Variants in C17orf113 observed in about 807,000 individuals in gnomAD.
C17orf113 encodes uncharacterized protein C17orf113.
C17orf113 carries 5 observed loss-of-function variants against 11.6 expected under a neutral mutation model. The observed-to-expected ratio is 0.43, with a 90% CI of 0.23 to 0.91. The LOEUF is 0.91. Among genes scored for constraint, C17orf113 ranks in the 40% least tolerant of loss-of-function variants. The pLI, the probability that C17orf113 is intolerant of heterozygous loss-of-function variation, is 0.26. For missense variants in C17orf113, 714 were observed against 841.3 expected (o/e 0.85, Z 1.87); for synonymous variants, 327 against 390.6 (o/e 0.84, Z 1.92).
Position 42,043,152 on chromosome 17 carries a change from G to C in C17orf113, c.225C>G (p.Ala75=). The change falls in exon 2 of 3, where the codon GCC becomes GCG. Residue 75 remains alanine, a synonymous_variant. Transcript: ENST00000587304. ...CTCCTGAGGTCACGTGGCGCAGCAG[G>C]GCGTGGCGCTGGAAGTTGTCTGTGC... is the stretch of plus-strand genomic sequence containing the variant. ...TVGTDNFQRH[A]LLRHVTSGAH... is the part of the protein sequence containing the mutation. 1 of 1,232,174 alleles carries C rather than the reference G, an allele frequency of 8.1e-7. No homozygotes were observed. The highest frequency in any genetic ancestry group is 4.2e-5 in the Admixed American group (1 of 23,720). 76.3% of individuals were successfully genotyped at this position (1,232,174 alleles called of 1,614,324 possible).
In C17orf113 at chr17:42,039,863, G is replaced by A. The variant is rs540557902; in HGVS notation, c.1870C>T (p.Arg624Trp). 9.0e-3 allele frequency: 11,061 copies of A among 1,230,580 alleles called. 59 individuals carry two copies. The highest frequency in any genetic ancestry group is 0.01 in the Non-Finnish European group (10,249 of 987,442). The allele number at this position is 1,230,580 out of a possible 1,614,324, so 76.2% of individuals were successfully genotyped here. A position where few individuals can be genotyped will look rare whatever the true frequency, so the allele number is the denominator to read the frequency against. ...CCGGCCCCACTCTGCCCCCACCACC[G>A]CAGCTCCCGGCTGCGGCCGACCTTG... The part of the protein sequence containing the change: ...LDKVGRSREL[R>W]WWGQSGAGEG... The change falls in exon 3 of 3, where the codon CGG becomes TGG. Residue 624 changes from arginine (R) to tryptophan (W), a missense_variant. Around this residue, in one of 3 missense-constraint regions of C17orf113, gnomAD observed 194 missense variants for 197.2 expected, o/e 0.98. Coordinates refer to ENST00000587304, the MANE Select transcript of C17orf113 (RefSeq NM_001358661.2).
intron 1 of C17orf113, among the ~76,000 whole-genome samples, chr17:42,047,458 T>C (rs2053189046): frequency 6.6e-6 from 1 of 151,004 alleles, no homozygotes; most frequent in Non-Finnish European, 1.5e-5. Flanking sequence ...TACAGGCGCC[T>C]GGCCCAATTA....
In C17orf113 at chr17:42,040,867, C is replaced by G; in HGVS notation, c.866G>C (p.Cys289Ser). Residue 289 changes from cysteine (C) to serine (S), a missense_variant, in exon 3 of 3, where the codon TGC becomes TCC. Transcript: ENST00000587304. ...GSVGPQLRAT[C>S]PLLAELHCLP... ...ACAATGCAGCTCTGCCAGCAGTGGG[C>G]AAGTGGCCCGGAGCTGTGGGCCCAC... The G allele has an allele frequency of 2.4e-6, 3 of 1,232,302 alleles. No individual in the cohort carries two copies. Among genetic ancestry groups the G allele is most frequent in the Non-Finnish European group, 3.0e-6 (3 of 988,066 alleles). 76.3% of individuals were successfully genotyped at this position (1,232,302 alleles called of 1,614,324 possible). A position where few individuals can be genotyped will look rare whatever the true frequency, so the allele number is the denominator to read the frequency against.
chr17:42,038,286 G>A lies in C17orf113; in HGVS notation c.*1419C>T, dbSNP rs1162171084. 1 of 540,552 alleles carries A rather than the reference G, an allele frequency of 1.8e-6. No individual in the cohort carries two copies. The highest frequency in any genetic ancestry group is 1.9e-5 in the African/African-American group (1 of 51,520). 33.5% of individuals were successfully genotyped at this position (540,552 alleles called of 1,614,324 possible). ...ATTAAACTCAAACCCAGGGGTATTA[G>A]GAAAAGGCTAGCCCTCGCCCCTCTC... is the stretch of plus-strand genomic sequence containing the variant. On this transcript the variant is annotated 3_prime_UTR_variant, in exon 3 of 3. Coordinates refer to ENST00000587304, the MANE Select transcript of C17orf113 (RefSeq NM_001358661.2).
chr17:42,049,629 G>A (rs1471459340), intron 1 of C17orf113, among the ~76,000 whole-genome samples: 2 of 152,236 alleles, frequency 1.3e-5, no homozygotes, highest in Non-Finnish European at 2.9e-5. Context: ...CTATGCACAG[G>A]ATCTCAGAAT....
At position 42,038,610 on chromosome 17, in the gene C17orf113, G is replaced by GA. The variant is rs3214150; in HGVS notation, c.*1094dup. On this transcript the variant is annotated 3_prime_UTR_variant, in exon 3 of 3. Transcript: ENST00000587304. ...CTGGACTTTGAGGAAGAAAATATCAGAAAAAAAAAAAAATCCAGCCCATCT... is the reference window on the plus strand; with the variant it reads ...CTGGACTTTGAGGAAGAAAATATCAGAAAAAAAAAAAAAATCCAGCCCATCT... The GA allele has an allele frequency of 0.044, 6,219 of 140,532 alleles. 172 individuals carry two copies. The highest frequency in any genetic ancestry group is 0.068 in the Non-Finnish European group (4,378 of 64,226). The allele number at this position is 140,532 out of a possible 1,614,324, so 8.7% of individuals were successfully genotyped here.
chr17:42,049,833 A>G (rs1487968766), intron 1 of C17orf113, among the ~76,000 whole-genome samples: 1 of 152,258 alleles, frequency 6.6e-6, no homozygotes, highest in Non-Finnish European at 1.5e-5. Flanking sequence ...TTGTAAATGC[A>G]GCTGTTTAAA....
chr17:42,045,931 A>C (rs565204637), intron 1 of C17orf113, among the ~76,000 whole-genome samples: 2 of 152,280 alleles, frequency 1.3e-5, no homozygotes, highest in Admixed American at 6.5e-5. Flanking sequence ...CTGTCTGCCC[A>C]ATCAATCCTG....
At chr17:42,049,359 C>A (rs1216974155) in intron 1 of C17orf113, among the ~76,000 whole-genome samples, 3 of 152,020 alleles carry the variant, frequency 2.0e-5, no homozygotes, top group Admixed American at 2.0e-4. Context: ...GCTTCATCCT[C>A]TCTCCACCCC....
rs1332357766 is a variant in C17orf113 at position 42,040,404 on chromosome 17, G to A, written c.1329C>T (p.Arg443=). The part of the protein sequence containing the change: ...MAAAASLQAQ[R]GSGGARLQGF... ...CCTGGAGGCGGGCCCCACCTGAGCCGCGCTGAGCTTGGAGGGAGGCCGCAG... is the reference window on the plus strand; with the variant it reads ...CCTGGAGGCGGGCCCCACCTGAGCCACGCTGAGCTTGGAGGGAGGCCGCAG... Residue 443 remains arginine (R), a synonymous_variant, in exon 3 of 3, where the codon CGC becomes CGT. Transcript: ENST00000587304. 14 of 1,231,948 alleles carry A rather than the reference G, an allele frequency of 1.1e-5. No homozygotes were observed. The Admixed American group carries it at 3.4e-4, about 30-fold the overall frequency. The allele number at this position is 1,231,948 out of a possible 1,614,324, so 76.3% of individuals were successfully genotyped here.
intron 2 of C17orf113, among the ~76,000 whole-genome samples, chr17:42,041,536 T>C (rs1026570227): frequency 6.6e-6 from 1 of 152,198 alleles, no homozygotes; most frequent in Non-Finnish European, 1.5e-5. Flanking sequence ...ACATCAACTT[T>C]TGTTGTGGTA....
chr17:42,042,247 C>T (rs900651161), intron 2 of C17orf113, among the ~76,000 whole-genome samples: 2 of 152,072 alleles, frequency 1.3e-5, no homozygotes, highest in Non-Finnish European at 2.9e-5. Context: ...AGAGGCCAGG[C>T]GCGGTTGCTT....
Position 42,040,226 on chromosome 17 carries a change from G to A in C17orf113, c.1507C>T (p.Gln503Ter). ...AGCGAAGGCCCGGGGTAGGAGTCCT[G>A]TAGGCCCTTCCGCATGGAGTCCAGG... is the stretch of plus-strand genomic sequence containing the variant. ...SFLDSMRKGLQDSYPGPSLDA... is the reference protein window; with the variant it reads ...SFLDSMRKGL The change falls in exon 3 of 3, where the codon CAG (glutamine) becomes TAG (stop). Residue 503 changes from glutamine (Q) to a stop codon, truncating the protein, a stop_gained. Transcript: ENST00000587304. LOFTEE classifies it low-confidence loss of function (END_TRUNC). 8.1e-7 allele frequency: 1 copy of A among 1,231,604 alleles called. No individual in the cohort carries two copies. Among genetic ancestry groups the A allele is most frequent in the Non-Finnish European group, 1.0e-6 (1 of 987,852 alleles). The allele number at this position is 1,231,604 out of a possible 1,614,324, so 76.3% of individuals were successfully genotyped here.
Position 42,040,258 on chromosome 17 carries a change from C to T in C17orf113, c.1475G>A (p.Gly492Glu). Residue 492 changes from glycine (G) to glutamate (E), a missense_variant, in exon 3 of 3, where the codon GGA (glycine) becomes GAA (glutamate). By Grantham distance (98) the Gly-to-Glu change is moderately conservative. This residue lies in a region of C17orf113 where 516 missense variants were observed against 626.6 expected (regional missense o/e 0.82). Transcript: ENST00000587304. ...CTTCCGCATGGAGTCCAGGAAGGAT[C>T]CCCGGAGCCACTCCAAGCCCCGGAC... The part of the protein sequence containing the change: ...AAVRGLEWLR[G>E]SFLDSMRKGL... 2.4e-6 allele frequency: 3 copies of T among 1,231,628 alleles called. No homozygotes were observed. The East Asian group carries it at 9.5e-5, about 39-fold the overall frequency. 76.3% of individuals were successfully genotyped at this position (1,231,628 alleles called of 1,614,324 possible). A position where few individuals can be genotyped will look rare whatever the true frequency, so the allele number is the denominator to read the frequency against.
At chr17:42,048,621 C>T (rs1555656846) in intron 1 of C17orf113, among the ~76,000 whole-genome samples, 4 of 152,182 alleles carry the variant, frequency 2.6e-5, no homozygotes, top group Non-Finnish European at 4.4e-5. Context: ...CATCCTTCTT[C>T]CTAGGTGCCC....
rs1307718643 is a variant in C17orf113 at position 42,040,219 on chromosome 17, G to A, written c.1514C>T (p.Ser505Phe). 3.2e-6 allele frequency: 4 copies of A among 1,231,598 alleles called. No homozygotes were observed. Among genetic ancestry groups the A allele is most frequent in the Non-Finnish European group, 3.0e-6 (3 of 987,860 alleles). The allele number at this position is 1,231,598 out of a possible 1,614,324, so 76.3% of individuals were successfully genotyped here. A position where few individuals can be genotyped will look rare whatever the true frequency, so the allele number is the denominator to read the frequency against. The part of the protein sequence containing the change: ...LDSMRKGLQD[S>F]YPGPSLDAVA... ...GGCGTCCAGCGAAGGCCCGGGGTAG[G>A]AGTCCTGTAGGCCCTTCCGCATGGA... Residue 505 changes from serine to phenylalanine, a missense_variant, in exon 3 of 3, where the codon TCC becomes TTC. Transcript: ENST00000587304.
At position 42,041,077 on chromosome 17, in the gene C17orf113, GC is replaced by G; in HGVS notation, c.655del (p.Ala219ProfsTer142). On this transcript the variant is annotated frameshift_variant, in exon 3 of 3. Coordinates refer to ENST00000587304, the MANE Select transcript of C17orf113 (RefSeq NM_001358661.2). LOFTEE classifies it low-confidence loss of function (END_TRUNC). ...TRDWPESHSL[A>X]LFATSVSPCD... ...GGGGGACACTGAAGTGGCAAACAGG[GC>G]CAGGCTGTGTGACTCCGGCCAGTCT... is the stretch of plus-strand genomic sequence containing the variant. 1 of 1,232,394 alleles carries G rather than the reference GC, an allele frequency of 8.1e-7. No homozygotes were observed. The highest frequency in any genetic ancestry group is 1.0e-6 in the Non-Finnish European group (1 of 988,110). 76.3% of individuals were successfully genotyped at this position (1,232,394 alleles called of 1,614,324 possible). A position where few individuals can be genotyped will look rare whatever the true frequency, so the allele number is the denominator to read the frequency against.
chr17:42,046,852 TA>T (rs1364419128), intron 1 of C17orf113, among the ~76,000 whole-genome samples: 5 of 151,738 alleles, frequency 3.3e-5, no homozygotes, highest in Admixed American at 6.6e-5. Context: ...AATTAGATGA[TA>T]TTTTTTTTCC....
At chr17:42,044,818 A>G (rs1342343422) in intron 1 of C17orf113, among the ~76,000 whole-genome samples, 1 of 150,774 alleles carries the variant, frequency 6.6e-6, no homozygotes, top group East Asian at 1.9e-4. Flanking sequence ...AGTTGCCTCT[A>G]CCTCCCTCAC....
Sources: allele counts gnomAD v4.1 joint callset (sites outside exome capture counted in the v4.1 genomes callset), GRCh38; gene constraint gnomAD v4.1.1; regional missense constraint gnomAD v4.1.1; transcripts MANE v1.5; gene names NCBI Gene and HGNC (gene_info 2026-07-23, HGNC 2026-07-21).